The following ESCO1 variants were observed in gnomAD, a reference collection of about 807,000 sequenced individuals.
ESCO1 encodes N-acetyltransferase ESCO1.
A neutral mutation model predicts 83.5 loss-of-function variants in ESCO1; 33 were observed. The observed-to-expected ratio is 0.40, with a 90% confidence interval of 0.30 to 0.53. The LOEUF (loss-of-function observed/expected upper bound fraction) is 0.53. ESCO1 is among the 20% of genes least tolerant of loss of function. The pLI, the probability that ESCO1 is intolerant of heterozygous loss-of-function variation, is 0.63. For missense variants in ESCO1, 855 were observed against 968.0 expected (o/e 0.88, Z 1.55); for synonymous variants, 332 against 324.3 (o/e 1.02, Z -0.25).
chr18:21,576,096 T>C (rs1425140101), intron 2 of ESCO1, among the ~76,000 whole-genome samples: 1 of 151,868 alleles, frequency 6.6e-6, no homozygotes, highest in Non-Finnish European at 1.5e-5. Flanking sequence ...ACAAAGCACA[T>C]AGATAACTAT....
At chr18:21,575,848 A>G (rs1320902963) in intron 2 of ESCO1, 71 bp from the exon 3 acceptor site, 1 of 395,546 alleles carries the variant, frequency 2.5e-6, no homozygotes, top group African/African-American at 2.1e-5. Context: ...TTCGGCTCTC[A>G]TCAAATATAA....
chr18:21,564,242 TAGTTTCA>T lies in ESCO1; in HGVS notation c.1775_1781del (p.Leu592Ter). Reference sequence around the variant, plus strand: ...TTTCATCAGTTTTCTCTGCTTCTTTTAGTTTCAAGTCCTTTGGAATTGTTATCTCCAA... The same window carrying T: ...TTTCATCAGTTTTCTCTGCTTCTTTTAGTCCTTTGGAATTGTTATCTCCAA... On this transcript the variant is annotated frameshift_variant, in exon 7 of 12. Coordinates refer to ENST00000269214, the MANE Select transcript of ESCO1 (RefSeq NM_052911.3). LOFTEE classifies it high-confidence loss of function. The T allele has an allele frequency of 6.2e-7, 1 of 1,610,816 alleles. No individual in the cohort carries two copies. The highest frequency in any genetic ancestry group is 8.5e-7 in the Non-Finnish European group (1 of 1,178,312).
At chr18:21,590,922 C>G (rs1465904895) in intron 1 of ESCO1, among the ~76,000 whole-genome samples, 2 of 150,162 alleles carry the variant, frequency 1.3e-5, no homozygotes, top group Non-Finnish European at 3.0e-5. Context: ...TCCAGCCTCA[C>G]GACAGAGCGA....
intron 1 of ESCO1, among the ~76,000 whole-genome samples, chr18:21,586,938 T>C (rs576397807): frequency 3.5e-4 from 54 of 152,280 alleles, no homozygotes; most frequent in African/African-American, 1.3e-3. Flanking sequence ...TGTTGAGCAG[T>C]TTTATCATGA....
chr18:21,535,732 G>A (rs1302685843), intron 10 of ESCO1, among the ~76,000 whole-genome samples: 1 of 152,190 alleles, frequency 6.6e-6, no homozygotes, highest in Admixed American at 6.5e-5. Context: ...TGGCAAGGCT[G>A]GTCTCAAACT....
chr18:21,535,989 G>A (rs527759945), intron 10 of ESCO1, 53 bp downstream of exon 10: 13 of 1,587,112 alleles, frequency 8.2e-6, no homozygotes, highest in African/African-American at 2.7e-5. Flanking sequence ...TTGGGATTAC[G>A]TTGTAAACTC....
intron 2 of ESCO1, among the ~76,000 whole-genome samples, chr18:21,578,598 A>G (rs1254566933): frequency 6.6e-6 from 1 of 152,136 alleles, no homozygotes; most frequent in Non-Finnish European, 1.5e-5. Flanking sequence ...GCATGTCTAT[A>G]ATCCCAGCTA....
intron 1 of ESCO1, among the ~76,000 whole-genome samples, chr18:21,599,280 C>T (rs574256389): frequency 1.3e-3 from 193 of 152,316 alleles, no homozygotes; most frequent in Admixed American, 2.6e-3. Flanking sequence ...GAGGTCAAGG[C>T]TGCAGTGAAC....
At chr18:21,555,360 A>C (rs374051279) in intron 8 of ESCO1, among the ~76,000 whole-genome samples, 3 of 152,318 alleles carry the variant, frequency 2.0e-5, no homozygotes, top group East Asian at 3.9e-4. Flanking sequence ...ACATTTCTCA[A>C]AACCCACAGA....
chr18:21,535,188 C>T (rs1159851796), intron 10 of ESCO1, among the ~76,000 whole-genome samples: 1 of 151,914 alleles, frequency 6.6e-6, no homozygotes, highest in Non-Finnish European at 1.5e-5. Context: ...AACATGGAAA[C>T]TTCCAAAATA....
At chr18:21,556,682 A>C (rs1008599994) in intron 8 of ESCO1, among the ~76,000 whole-genome samples, 1 of 152,024 alleles carries the variant, frequency 6.6e-6, no homozygotes, top group Non-Finnish European at 1.5e-5. Context: ...CTCTGTAGCC[A>C]ATCAGAGATC....
chr18:21,572,879 G>C (rs1391880762), intron 4 of ESCO1, among the ~76,000 whole-genome samples: 4 of 151,850 alleles, frequency 2.6e-5, no homozygotes, highest in Non-Finnish European at 2.9e-5. Context: ...CTAGAGAATG[G>C]CTTGAACCTG....
Position 21,574,808 on chromosome 18 carries a change from G to A in ESCO1, c.36C>T (p.Ser12=). The change falls in exon 4 of 12, where the codon TCC becomes TCT. Residue 12 remains serine (S), a synonymous_variant. Transcript: ENST00000269214. ...CGTCACTTTTTTTAGTAACTTTGGA[G>A]GAATTCTCTTTTGATTTCTCCTGAA... The part of the protein sequence containing the change: ...MSIQEKSKEN[S]SKVTKKSDDK... 6.3e-7 allele frequency: 1 copy of A among 1,594,592 alleles called. No homozygotes were observed. The highest frequency in any genetic ancestry group is 8.5e-7 in the Non-Finnish European group (1 of 1,178,256).
chr18:21,557,480 G>A (rs933933211), intron 8 of ESCO1, among the ~76,000 whole-genome samples: 1 of 151,652 alleles, frequency 6.6e-6, no homozygotes, highest in Non-Finnish European at 1.5e-5. Flanking sequence ...CAAAGCTAAT[G>A]TATGATTTAT....
intron 1 of ESCO1, among the ~76,000 whole-genome samples, chr18:21,586,076 G>A (rs533818785): frequency 4.6e-5 from 7 of 152,184 alleles, no homozygotes; most frequent in Admixed American, 2.0e-4. Context: ...TTTGAAATAC[G>A]CAACAAATTA....
At chr18:21,596,661 C>T (rs1332107437) in intron 1 of ESCO1, among the ~76,000 whole-genome samples, 3 of 151,816 alleles carry the variant, frequency 2.0e-5, no homozygotes, top group Non-Finnish European at 4.4e-5. Flanking sequence ...GGTAAAACCC[C>T]GTCTCCACAA....
chr18:21,580,056 C>T (rs2146218296), intron 2 of ESCO1, among the ~76,000 whole-genome samples: 1 of 151,654 alleles, frequency 6.6e-6, no homozygotes, highest in East Asian at 2.0e-4. Context: ...CCACCACACC[C>T]AGCCAATGTT....
At position 21,564,073 on chromosome 18, in the gene ESCO1, T is replaced by C. The variant is rs569044680; in HGVS notation, c.1821+130A>G. ...CTCACCAGATGCAGATGTCAGGCCATAGAACCACAAGCCAAATAAACCTCT... is the reference window on the plus strand; with the variant it reads ...CTCACCAGATGCAGATGTCAGGCCACAGAACCACAAGCCAAATAAACCTCT... On this transcript the variant is annotated intron_variant, in intron 7 of 11. Coordinates refer to ENST00000269214, the MANE Select transcript of ESCO1 (RefSeq NM_052911.3). The C allele has an allele frequency of 6.9e-5, 45 of 648,440 alleles. No individual in the cohort carries two copies. In the East Asian group the frequency reaches 1.0e-3, roughly 15 times the overall value. 40.2% of individuals were successfully genotyped at this position (648,440 alleles called of 1,614,324 possible).
chr18:21,574,555 A>G lies in ESCO1; in HGVS notation c.289T>C (p.Ser97Pro). ...TVTVRGYSQE[S>P]TKKKLSQKKL... Reference sequence around the variant, plus strand: ...TTCTGAGATAATTTCTTTTTTGTAGATTCTTGTGAATATCCCCTCACAGTC... The same window carrying G: ...TTCTGAGATAATTTCTTTTTTGTAGGTTCTTGTGAATATCCCCTCACAGTC... The change falls in exon 4 of 12, where the codon TCT (serine) becomes CCT (proline). Residue 97 changes from serine to proline, a missense_variant. Ser to Pro is a moderately conservative substitution (Grantham distance 74, BLOSUM62 -1). Around this residue, in one of 2 missense-constraint regions of ESCO1, gnomAD observed 726 missense variants for 699.5 expected, o/e 1.04. Coordinates refer to ENST00000269214, the MANE Select transcript of ESCO1 (RefSeq NM_052911.3). The G allele has an allele frequency of 1.2e-6, 2 of 1,613,596 alleles. No homozygotes were observed. Among genetic ancestry groups the G allele is most frequent in the Non-Finnish European group, 8.5e-7 (1 of 1,179,906 alleles).
Sources: allele counts gnomAD v4.1 joint callset (sites outside exome capture counted in the v4.1 genomes callset), GRCh38; gene constraint gnomAD v4.1.1; regional missense constraint gnomAD v4.1.1; transcripts MANE v1.5; gene names NCBI Gene and HGNC (gene_info 2026-07-23, HGNC 2026-07-21).